Variants in SPPL2B observed in about 807,000 individuals in gnomAD.
The protein encoded by SPPL2B is signal peptide peptidase like 2B.
SPPL2B carries 39 observed loss-of-function variants against 59.7 expected under a neutral mutation model. The ratio of observed to expected loss-of-function variants is 0.65; its 90% CI spans 0.51 to 0.85. The LOEUF (loss-of-function observed/expected upper bound fraction) is 0.85, where lower values mean the gene tolerates loss of function less well. SPPL2B is among the 40% of genes least tolerant of loss of function. The pLI is 0.00. For missense variants in SPPL2B, 865 were observed against 849.0 expected (o/e 1.02, Z -0.23); for synonymous variants, 419 against 370.8 (o/e 1.13, Z -1.49).
intron 8 of SPPL2B, 82 bp from the exon 9 acceptor site, chr19:2,343,129 G>C: frequency 1.8e-6 from 2 of 1,106,556 alleles, no homozygotes; most frequent in Non-Finnish European, 2.7e-6. Context: ...TGAGAGCAAG[G>C]GCCCTGTGTG....
At chr19:2,345,685 C>G (rs1276563206) in intron 13 of SPPL2B, among the ~76,000 whole-genome samples, 1 of 151,896 alleles carries the variant, frequency 6.6e-6, no homozygotes, top group East Asian at 1.9e-4. Flanking sequence ...GCCTGCAACC[C>G]CCTCTTTCTC....
chr19:2,331,738 G>C (rs1968303768), intron 1 of SPPL2B, among the ~76,000 whole-genome samples: 1 of 152,240 alleles, frequency 6.6e-6, no homozygotes, highest in Non-Finnish European at 1.5e-5. Flanking sequence ...CCATAGAACA[G>C]AGCTTGGCAA....
Position 2,353,223 on chromosome 19 carries a change from C to G in SPPL2B, c.*14C>G. 1.3e-6 allele frequency: 2 copies of G among 1,563,692 alleles called. No individual in the cohort carries two copies. The highest frequency in any genetic ancestry group is 1.7e-6 in the Non-Finnish European group (2 of 1,163,582). ...GCCTCGGCCTAGGGGAGGGGTGAGA[C>G]GCTCGCTGCCGTGCCCGCCACACCA... On this transcript the variant is annotated 3_prime_UTR_variant, in exon 15 of 15. Coordinates refer to ENST00000613503, the MANE Select transcript of SPPL2B (RefSeq NM_152988.3).
Position 2,341,140 on chromosome 19 carries a change from G to T in SPPL2B, c.956+126G>T, listed in dbSNP as rs77578073. The T allele has an allele frequency of 6.6e-3, 4,927 of 742,328 alleles. 100 individuals carry two copies. The highest frequency in any genetic ancestry group is 0.055 in the African/African-American group (3,212 of 57,908). 46.0% of individuals were successfully genotyped at this position (742,328 alleles called of 1,614,324 possible). ...GCCTGGAGCTGCTTCAGCACCGCGT[G>T]ATGAAGAGCCCTGGCCCCGGGCTGC... On this transcript the variant is annotated intron_variant, in intron 8 of 14. Transcript: ENST00000613503.
intron 14 of SPPL2B, 127 bp downstream of exon 14, chr19:2,351,721 C>T (rs1271392932): frequency 3.0e-6 from 4 of 1,319,292 alleles, no homozygotes; most frequent in Admixed American, 2.4e-5. Flanking sequence ...GTCCTGGTAC[C>T]TTCTGCTTTG....
At chr19:2,341,393 C>T (rs1969044134) in intron 8 of SPPL2B, 1 of 473,708 alleles carries the variant, frequency 2.1e-6, no homozygotes, top group Admixed American at 2.3e-5. Context: ...AGGGTGTGGG[C>T]ACCAGGGCAC....
intron 4 of SPPL2B, 59 bp downstream of exon 4, chr19:2,338,900 C>A: frequency 6.4e-7 from 1 of 1,564,206 alleles, no homozygotes; most frequent in Non-Finnish European, 8.7e-7. Flanking sequence ...GGGCTTCGGG[C>A]TGGCTGCCGG....
At chr19:2,344,698 C>G (rs1202673438) in intron 12 of SPPL2B, 46 bp downstream of exon 12, 1 of 1,288,898 alleles carries the variant, frequency 7.8e-7, no homozygotes, top group African/African-American at 1.5e-5. Context: ...TGGGGCAGGG[C>G]CCCGGGCGGC....
chr19:2,344,313 C>G, intron 10 of SPPL2B, 49 bp from the exon 11 acceptor site: 3 of 509,956 alleles, frequency 5.9e-6, no homozygotes, highest in Non-Finnish European at 7.2e-6. Context: ...CACTCCCCTG[C>G]CCCCCCACCC....
rs1218997207 is a variant in SPPL2B at position 2,352,933 on chromosome 19, C to T, written c.1516-13C>T. ...CCTGTCTCCGCCTCACCTCTGCCTC[C>T]CTTCTCCTGTAGAAAGTCCTACCTC... is the stretch of plus-strand genomic sequence containing the variant. On this transcript the variant is annotated splice_polypyrimidine_tract_variant and intron_variant, in intron 14 of 14. Transcript: ENST00000613503. The T allele has an allele frequency of 1.9e-6, 3 of 1,611,930 alleles. No individual in the cohort carries two copies. Among genetic ancestry groups the T allele is most frequent in the African/African-American group, 2.7e-5 (2 of 74,890 alleles).
At chr19:2,343,855 T>C in intron 9 of SPPL2B, 110 bp from the exon 10 acceptor site, 1 of 801,190 alleles carries the variant, frequency 1.2e-6, no homozygotes, top group Non-Finnish European at 2.1e-6. Context: ...CACGCTCTGC[T>C]CAGGTTCCTT....
Position 2,328,795 on chromosome 19 carries a change from C to G in SPPL2B, c.66+20C>G. ...GCCCAGGTGAGCGCGGCACCGGTCC[C>G]GACGGCACCGCGGGCTGCGGCCCTT... On this transcript the variant is annotated intron_variant, in intron 1 of 14. Transcript: ENST00000613503. 1.5e-6 allele frequency: 2 copies of G among 1,370,856 alleles called. No individual in the cohort carries two copies. The highest frequency in any genetic ancestry group is 1.7e-5 in the South Asian group (1 of 58,922). 84.9% of individuals were successfully genotyped at this position (1,370,856 alleles called of 1,614,324 possible).
At chr19:2,346,373 A>G (rs1016060820) in intron 13 of SPPL2B, among the ~76,000 whole-genome samples, 2 of 152,250 alleles carry the variant, frequency 1.3e-5, no homozygotes, top group African/African-American at 4.8e-5. Context: ...ATCCTTTAAA[A>G]TCACGGCTGA....
intron 2 of SPPL2B, among the ~76,000 whole-genome samples, 186 bp downstream of exon 2, chr19:2,334,907 C>A (rs889209418): frequency 2.6e-5 from 4 of 152,154 alleles, no homozygotes; most frequent in Admixed American, 6.5e-5. Context: ...TCAATGCAAG[C>A]TGTCCATGCG....
rs970945038 is a variant in SPPL2B at position 2,332,325 on chromosome 19, T to C, written c.67-2277T>C. On this transcript the variant is annotated intron_variant, in intron 1 of 14. Transcript: ENST00000613503. The surrounding 1 kb of genome is among the most constrained non-coding windows in gnomAD (Gnocchi z 4.6). ...GATTTCAGTGATGAGGGCCCGGCTG[T>C]TGGAGAGCCCGTCTGTGCCTGTGTG... Among the ~76,000 whole-genome samples, 6 of 152,186 alleles carry C rather than the reference T, an allele frequency of 3.9e-5. No homozygotes were observed. Among genetic ancestry groups the C allele is most frequent in the Non-Finnish European group, 8.8e-5 (6 of 68,014 alleles).
Position 2,338,735 on chromosome 19 carries a change from C to G in SPPL2B, c.370-17C>G, listed in dbSNP as rs767237375. On this transcript the variant is annotated splice_polypyrimidine_tract_variant and intron_variant, in intron 3 of 14. Transcript: ENST00000613503. ...TGCTGCGGGTGATGCCTGCCGCTCCCTCCTCTGGGCCCCCAGGTCCCCCCG... is the reference window on the plus strand; with the variant it reads ...TGCTGCGGGTGATGCCTGCCGCTCCGTCCTCTGGGCCCCCAGGTCCCCCCG... The G allele has an allele frequency of 2.5e-6, 4 of 1,597,654 alleles. No homozygotes were observed. Among genetic ancestry groups the G allele is most frequent in the Non-Finnish European group, 3.4e-6 (4 of 1,166,304 alleles).
intron 13 of SPPL2B, among the ~76,000 whole-genome samples, chr19:2,347,177 C>T (rs1377748905): frequency 6.8e-6 from 1 of 146,742 alleles, no homozygotes; most frequent in East Asian, 2.0e-4. Context: ...TCTCCACACA[C>T]ACGCGCTCTC....
intron 8 of SPPL2B, chr19:2,341,785 TC>T (rs1969074688): frequency 2.7e-6 from 1 of 368,588 alleles, no homozygotes; most frequent in Non-Finnish European, 5.6e-6. Context: ...GGAAACTCGC[TC>T]CGTCACATGA....
rs946191414 is a variant in SPPL2B at position 2,332,606 on chromosome 19, G to C, written c.67-1996G>C. Among the ~76,000 whole-genome samples, 8 of 152,204 alleles carry C rather than the reference G, an allele frequency of 5.3e-5. No individual in the cohort carries two copies. The highest frequency in any genetic ancestry group is 2.1e-4 in the South Asian group (1 of 4,832). On this transcript the variant is annotated intron_variant, in intron 1 of 14. Coordinates refer to ENST00000613503, the MANE Select transcript of SPPL2B (RefSeq NM_152988.3). This position sits in a 1 kb window ranked among gnomAD's most constrained non-coding sequence, Gnocchi z 4.6. ...GACCAGGGGGTGCGGCTGTCTCTCT[G>C]TCTGGGAGGTTTACAGCCTGGCAGG...
Sources: allele counts gnomAD v4.1 joint callset (sites outside exome capture counted in the v4.1 genomes callset), GRCh38; gene constraint gnomAD v4.1.1; non-coding constraint Gnocchi (gnomAD v3.1); transcripts MANE v1.5; gene names NCBI Gene and HGNC (gene_info 2026-07-23, HGNC 2026-07-21).